The following TTLL1 variants were observed in gnomAD, a reference collection of about 807,000 sequenced individuals.
TTLL1 encodes the protein polyglutamylase complex subunit TTLL1.
Under a neutral mutation model 47.8 loss-of-function variants are expected in TTLL1, and 33 were observed. That is an observed-to-expected ratio of 0.69 (90% CI 0.52 to 0.92). The LOEUF (loss-of-function observed/expected upper bound fraction) is 0.92, where lower values mean the gene tolerates loss of function less well. TTLL1 is among the 40% of genes least tolerant of loss of function. The pLI, the probability that TTLL1 is intolerant of heterozygous loss-of-function variation, is 0.00. For synonymous variants in TTLL1, 225 were observed against 214.1 expected (o/e 1.05, Z -0.45); for missense variants, 488 against 547.5 (o/e 0.89, Z 1.08).
intron 9 of TTLL1, among the ~76,000 whole-genome samples, chr22:43,050,847 G>A (rs1201203236): frequency 6.6e-6 from 1 of 152,132 alleles, no homozygotes; most frequent in African/African-American, 2.4e-5. Flanking sequence ...TTAACATGGA[G>A]GACAAGAAAG....
Position 43,039,809 on chromosome 22 carries a change from G to A in TTLL1, c.1239C>T (p.Asp413=). 1 of 1,613,946 alleles carries A rather than the reference G, an allele frequency of 6.2e-7. No individual in the cohort carries two copies. Among genetic ancestry groups the A allele is most frequent in the Non-Finnish European group, 8.5e-7 (1 of 1,179,904 alleles). ...AGGTGGTGAGGACCGCTCTCCCCGA[G>A]TCTCTCGATCGGCCTGCTCTGGGCC... ...SLGPRAGRSR[D]SGRAVLTTWK is the part of the protein sequence containing the mutation. The change falls in exon 11 of 11, where the codon GAC becomes GAT. Residue 413 remains aspartate, a synonymous_variant. Coordinates refer to ENST00000266254, the MANE Select transcript of TTLL1 (RefSeq NM_012263.5).
chr22:43,048,977 G>C (rs941271470), intron 9 of TTLL1, among the ~76,000 whole-genome samples: 3 of 151,968 alleles, frequency 2.0e-5, no homozygotes, highest in Admixed American at 6.6e-5. Context: ...ACTAGGCTCT[G>C]CAAAAGAGGG....
chr22:43,045,822 C>T (rs543465133), intron 10 of TTLL1, among the ~76,000 whole-genome samples: 1 of 152,274 alleles, frequency 6.6e-6, no homozygotes, highest in South Asian at 2.1e-4. Context: ...CTCCACCCAG[C>T]CTGCTCCAGC....
At position 43,068,532 on chromosome 22, in the gene TTLL1, G is replaced by A; in HGVS notation, c.381C>T (p.Phe127=). ...TCCAGGTGCTGGACGGGCTCTTCCG[G>A]AACTCCTCTACAAACAGGTTGTAGT... is the stretch of plus-strand genomic sequence containing the variant. The part of the protein sequence containing the change: ...PADYNLFVEE[F]RKSPSSTWIM... Residue 127 remains phenylalanine, a synonymous_variant, in exon 5 of 11, where the codon TTC becomes TTT. Coordinates refer to ENST00000266254, the MANE Select transcript of TTLL1 (RefSeq NM_012263.5). The A allele has an allele frequency of 6.4e-7, 1 of 1,567,848 alleles. No homozygotes were observed. Among genetic ancestry groups the A allele is most frequent in the Non-Finnish European group, 8.7e-7 (1 of 1,146,760 alleles).
At chr22:43,084,052 A>G (rs1051150915) in intron 1 of TTLL1, among the ~76,000 whole-genome samples, 6 of 152,182 alleles carry the variant, frequency 3.9e-5, no homozygotes, top group African/African-American at 1.4e-4. Context: ...TTTACCTAAC[A>G]ATATCATGGC....
At chr22:43,087,910 G>A (rs1009000395) in intron 1 of TTLL1, among the ~76,000 whole-genome samples, 1 of 151,108 alleles carries the variant, frequency 6.6e-6, no homozygotes, top group African/African-American at 2.4e-5. Context: ...CACTTTGGGA[G>A]GCCGAGGTGG....
chr22:43,068,383 A>C (rs903837151), intron 5 of TTLL1, 27 bp downstream of exon 5: 1 of 1,453,680 alleles, frequency 6.9e-7, no homozygotes, highest in African/African-American at 1.4e-5. Flanking sequence ...GACCTGGCAC[A>C]CAAAGTGGGT....
chr22:43,079,122 C>G (rs113785206), intron 2 of TTLL1, among the ~76,000 whole-genome samples: 21 of 92,854 alleles, frequency 2.3e-4, no homozygotes, highest in African/African-American at 7.2e-4. Flanking sequence ...CCCGCAGACA[C>G]GGGGACCATG....
intron 8 of TTLL1, among the ~76,000 whole-genome samples, chr22:43,058,491 T>G (rs926851989): frequency 1.3e-5 from 2 of 152,088 alleles, no homozygotes; most frequent in Non-Finnish European, 1.5e-5. Context: ...CTCCAATATA[T>G]CAGTTTATGC....
intron 4 of TTLL1, among the ~76,000 whole-genome samples, chr22:43,068,957 G>C (rs560528137): frequency 6.6e-6 from 1 of 152,002 alleles, no homozygotes; most frequent in Admixed American, 6.6e-5. Context: ...CTTTTATCCC[G>C]GACTTGGACA....
chr22:43,073,325 C>CTGTTTGTTTGTT (rs767122813), intron 3 of TTLL1, among the ~76,000 whole-genome samples: 46 of 142,720 alleles, frequency 3.2e-4, no homozygotes, highest in African/African-American at 1.2e-3. Context: ...TGCGCCCGGT[C>CTGTTTGTTTGTT]TATTTATTTA....
At chr22:43,043,834 T>C (rs901847451) in intron 10 of TTLL1, among the ~76,000 whole-genome samples, 1 of 151,848 alleles carries the variant, frequency 6.6e-6, no homozygotes, top group African/African-American at 2.4e-5. Context: ...TCACCTCCAG[T>C]CCTCCAGGTC....
At chr22:43,084,770 G>T (rs1416549011) in intron 1 of TTLL1, among the ~76,000 whole-genome samples, 1 of 151,914 alleles carries the variant, frequency 6.6e-6, no homozygotes, top group Non-Finnish European at 1.5e-5. Flanking sequence ...CAAAGTGCTG[G>T]GATTACAGGC....
intron 5 of TTLL1, among the ~76,000 whole-genome samples, chr22:43,065,577 A>G (rs1035570105): frequency 1.3e-5 from 2 of 151,110 alleles, no homozygotes; most frequent in African/African-American, 4.9e-5. Context: ...GGCTTGTGCC[A>G]CACACATGGC....
At chr22:43,077,221 C>T (rs1460468829) in intron 2 of TTLL1, among the ~76,000 whole-genome samples, 1 of 152,110 alleles carries the variant, frequency 6.6e-6, no homozygotes, top group Non-Finnish European at 1.5e-5. Context: ...CACCTCACAC[C>T]ACCTTCTCCT....
intron 2 of TTLL1, among the ~76,000 whole-genome samples, chr22:43,076,646 G>C (rs1387353550): frequency 6.6e-6 from 1 of 151,840 alleles, no homozygotes; most frequent in East Asian, 1.9e-4. Context: ...AGCTACTCGG[G>C]AGGCTGAGGT....
At chr22:43,086,579 G>A (rs555756050) in intron 1 of TTLL1, among the ~76,000 whole-genome samples, 6 of 152,302 alleles carry the variant, frequency 3.9e-5, no homozygotes, top group South Asian at 2.1e-4. Context: ...AGATGGGGGC[G>A]AGGAGCACAG....
chr22:43,065,029 C>T (rs1213260333), intron 5 of TTLL1, among the ~76,000 whole-genome samples: 1 of 151,922 alleles, frequency 6.6e-6, no homozygotes, highest in Non-Finnish European at 1.5e-5. Context: ...CCTGTAATTC[C>T]AGCTACTCCA....
At chr22:43,084,961 CCTT>C (rs1296864160) in intron 1 of TTLL1, among the ~76,000 whole-genome samples, 49 of 108,422 alleles carry the variant, frequency 4.5e-4, no homozygotes, top group African/African-American at 1.5e-3. Flanking sequence ...AAAGCTGCCA[CCTT>C]TTTTTTTTTT....
Sources: allele counts gnomAD v4.1 joint callset (sites outside exome capture counted in the v4.1 genomes callset), GRCh38; gene constraint gnomAD v4.1.1; transcripts MANE v1.5; gene names NCBI Gene and HGNC (gene_info 2026-07-23, HGNC 2026-07-21).